The following TMEM9 variants were observed in gnomAD, a reference collection of about 807,000 sequenced individuals.
TMEM9 encodes transmembrane protein 9.
A neutral mutation model predicts 22.8 loss-of-function variants in TMEM9; 13 were observed. That is an observed-to-expected ratio of 0.57 (90% confidence interval 0.37 to 0.91). The LOEUF is 0.91. Ranked by LOEUF, TMEM9 falls within the 40% of genes least tolerant of loss-of-function variation. The pLI is 0.01. For missense variants in TMEM9, 182 were observed against 238.1 expected (o/e 0.76, Z 1.55); for synonymous variants, 88 against 93.0 (o/e 0.95, Z 0.31).
chr1:201,161,638 T>G (rs1410405284), intron 1 of TMEM9, among the ~76,000 whole-genome samples: 1 of 152,254 alleles, frequency 6.6e-6, no homozygotes, highest in Non-Finnish European at 1.5e-5. Flanking sequence ...ACTTTTCAGA[T>G]GCTTTGATGT....
intron 1 of TMEM9, among the ~76,000 whole-genome samples, chr1:201,162,433 C>T (rs540543476): frequency 7.2e-5 from 11 of 151,804 alleles, no homozygotes; most frequent in South Asian, 6.3e-4. Flanking sequence ...CACTGTGCCT[C>T]GCCTTATGCC....
At chr1:201,170,305 G>A (rs1006668837) in intron 1 of TMEM9, among the ~76,000 whole-genome samples, 2 of 152,132 alleles carry the variant, frequency 1.3e-5, no homozygotes, top group Non-Finnish European at 2.9e-5. Flanking sequence ...CCCCCAAGAT[G>A]AAATCAAAAG....
chr1:201,137,926 G>C (rs1664145426), intron 4 of TMEM9, among the ~76,000 whole-genome samples: 1 of 152,142 alleles, frequency 6.6e-6, no homozygotes, highest in Non-Finnish European at 1.5e-5. Context: ...GACTGAGCTG[G>C]CCACAGTGCT....
At chr1:201,136,342 G>A (rs1398604788) in intron 4 of TMEM9, among the ~76,000 whole-genome samples, 1 of 152,196 alleles carries the variant, frequency 6.6e-6, no homozygotes, top group South Asian at 2.1e-4. Flanking sequence ...TTGCCCAGGG[G>A]ACAGGAAGAA....
At chr1:201,160,732 C>G (rs1289808954) in intron 1 of TMEM9, among the ~76,000 whole-genome samples, 1 of 151,842 alleles carries the variant, frequency 6.6e-6, no homozygotes, top group African/African-American at 2.4e-5. Flanking sequence ...GTCAGGAGAT[C>G]GAGAACATCC....
chr1:201,154,010 C>G lies in TMEM9; in HGVS notation c.-87G>C. 1 of 1,486,814 alleles carries G rather than the reference C, an allele frequency of 6.7e-7. No homozygotes were observed. Among genetic ancestry groups the G allele is most frequent in the Non-Finnish European group, 9.1e-7 (1 of 1,103,426 alleles). The allele number at this position is 1,486,814 out of a possible 1,614,324, so 92.1% of individuals were successfully genotyped here. A position where few individuals can be genotyped will look rare whatever the true frequency, so the allele number is the denominator to read the frequency against. On this transcript the variant is annotated 5_prime_UTR_variant, in exon 1 of 5. Coordinates refer to ENST00000367330, the MANE Select transcript of TMEM9 (RefSeq NM_001288565.2). ...GAAGGGGAAGGTGGCCACACCGCAG[C>G]CAGCACGCTAGGCCCTTAACCATCC... is the stretch of plus-strand genomic sequence containing the variant.
Position 201,151,864 on chromosome 1 carries a change from A to G in TMEM9, c.67-12T>C. 1 of 1,610,058 alleles carries G rather than the reference A, an allele frequency of 6.2e-7. No homozygotes were observed. The highest frequency in any genetic ancestry group is 8.5e-7 in the Non-Finnish European group (1 of 1,177,432). ...ATATCTTCAGAACTCTGGAAAAGAA[A>G]GCACATGTCAAGTATGCAGAGACCC... is the stretch of plus-strand genomic sequence containing the variant. On this transcript the variant is annotated splice_polypyrimidine_tract_variant and intron_variant, in intron 1 of 4. Coordinates refer to ENST00000367330, the MANE Select transcript of TMEM9 (RefSeq NM_001288565.2).
At chr1:201,152,466 C>T (rs1665508967) in intron 1 of TMEM9, among the ~76,000 whole-genome samples, 1 of 152,188 alleles carries the variant, frequency 6.6e-6, no homozygotes, top group African/African-American at 2.4e-5. Context: ...CTTAACCTTA[C>T]TTCAAAGTCT....
rs1221074173 is a variant in TMEM9 at position 201,134,950 on chromosome 1, A to T, written c.*713T>A. The T allele has an allele frequency of 1.3e-5, 2 of 152,746 alleles. No homozygotes were observed. The highest frequency in any genetic ancestry group is 4.8e-5 in the African/African-American group (2 of 41,444). 9.5% of individuals were successfully genotyped at this position (152,746 alleles called of 1,614,324 possible). ...AGCCTCGAGTCTCATGTTCCAACCG[A>T]CCGTCTGGCTCAGTGACTGTGGACA... is the stretch of plus-strand genomic sequence containing the variant. On this transcript the variant is annotated 3_prime_UTR_variant, in exon 5 of 5. Coordinates refer to ENST00000367330, the MANE Select transcript of TMEM9 (RefSeq NM_001288565.2).
upstream of TMEM9, among the ~76,000 whole-genome samples, chr1:201,157,807 G>A (rs980587614): frequency 1.3e-5 from 2 of 152,180 alleles, no homozygotes; most frequent in African/African-American, 4.8e-5. Flanking sequence ...GGCCAGGGGA[G>A]CCCAGAATGG....
chr1:201,143,349 C>A (rs1367680573), intron 4 of TMEM9, among the ~76,000 whole-genome samples: 3 of 152,238 alleles, frequency 2.0e-5, no homozygotes, highest in African/African-American at 7.2e-5. Flanking sequence ...TCTCATTCCT[C>A]TTCCGCTCTT....
rs755168118 is a variant in TMEM9 at position 201,146,761 on chromosome 1, C to T, written c.246G>A (p.Glu82=). The T allele has an allele frequency of 9.3e-6, 15 of 1,614,138 alleles. No homozygotes were observed. The Admixed American group carries it at 1.3e-4, about 14-fold the overall frequency. Residue 82 remains glutamate (E), a synonymous_variant, in exon 3 of 5, where the codon GAG becomes GAA. Transcript: ENST00000367330. ...YCLLCECRYE[E]RSTTTIKVII... is the part of the protein sequence containing the mutation. Reference sequence around the variant, plus strand: ...TTACCTTGATGGTGGTGGTGCTGCGCTCCTCGTACCTGCACTCGCACAGCA... The same window carrying T: ...TTACCTTGATGGTGGTGGTGCTGCGTTCCTCGTACCTGCACTCGCACAGCA...
At chr1:201,151,880 G>A (rs1665449830) in intron 1 of TMEM9, 28 bp from the exon 2 acceptor site, 2 of 1,581,928 alleles carry the variant, frequency 1.3e-6, no homozygotes, top group African/African-American at 2.7e-5. Context: ...TGTCAAGTAT[G>A]CAGAGACCCT....
chr1:201,137,405 T>C (rs1368342510), intron 4 of TMEM9, among the ~76,000 whole-genome samples: 2 of 151,986 alleles, frequency 1.3e-5, no homozygotes, highest in Non-Finnish European at 2.9e-5. Flanking sequence ...TTTAATGTAG[T>C]AAATGTAGTC....
chr1:201,170,969 G>A (rs780462999), intron 1 of TMEM9, among the ~76,000 whole-genome samples: 16 of 152,242 alleles, frequency 1.1e-4, no homozygotes, highest in Non-Finnish European at 1.6e-4. Context: ...TTCTGTGCCG[G>A]GCCAGCAGGT....
At chr1:201,168,969 T>TC (rs1553259768) in intron 1 of TMEM9, among the ~76,000 whole-genome samples, 3 of 148,254 alleles carry the variant, frequency 2.0e-5, no homozygotes, top group African/African-American at 4.9e-5. Flanking sequence ...TTATATTACT[T>TC]TTTTTTTTTT....
intron 1 of TMEM9, among the ~76,000 whole-genome samples, chr1:201,165,150 T>TTATATATATATATATATATATA (rs57281429): frequency 0.012 from 1,036 of 86,554 alleles, 27 homozygotes; most frequent in Non-Finnish European, 0.017. Context: ...TAAGAGAAAA[T>TTATATATATATATATATATATA]TATATATATA....
chr1:201,145,594 T>C (rs1480356843), intron 3 of TMEM9: 1 of 152,114 alleles, frequency 6.6e-6, no homozygotes, highest in East Asian at 1.9e-4. Context: ...CCTTTAAATA[T>C]GAGAATTATT....
At chr1:201,159,484 T>TACACAC (rs60273477), upstream of TMEM9, among the ~76,000 whole-genome samples, 27 of 147,696 alleles carry the variant, frequency 1.8e-4, no homozygotes, top group East Asian at 6.0e-4. Context: ...TGCCTTTTTA[T>TACACAC]ACACACACAC....
Sources: gnomAD v4.1 joint callset for allele counts (sites outside exome capture counted in the v4.1 genomes callset) on GRCh38, gnomAD v4.1.1 for gene constraint, MANE v1.5 for transcripts, NCBI Gene and HGNC (gene_info 2026-07-23, HGNC 2026-07-21) for gene names.